Variants in MYO7B observed in about 807,000 individuals in gnomAD.
MYO7B encodes the protein myosin VIIB.
Under a neutral mutation model 259.7 loss-of-function variants are expected in MYO7B, and 212 were observed. The ratio of observed to expected loss-of-function variants is 0.82; its 90% confidence interval spans 0.73 to 0.91. The LOEUF (loss-of-function observed/expected upper bound fraction) is 0.91, where lower values mean the gene tolerates loss of function less well. Among genes scored for constraint, MYO7B ranks in the 40% least tolerant of loss-of-function variants. The pLI is 0.00. For synonymous variants in MYO7B, 1,197 were observed against 1,166.4 expected (o/e 1.03, Z -0.54); for missense variants, 2,732 against 2,813.5 (o/e 0.97, Z 0.66).
In MYO7B at chr2:127,627,264, C is replaced by T; in HGVS notation, c.4414C>T (p.Leu1472=). The T allele has an allele frequency of 6.2e-7, 1 of 1,612,672 alleles. No homozygotes were observed. The highest frequency in any genetic ancestry group is 8.5e-7 in the Non-Finnish European group (1 of 1,179,548). The change falls in exon 33 of 48, where the codon CTG becomes TTG. Residue 1472 remains leucine, a synonymous_variant. Coordinates refer to ENST00000409816, the MANE Select transcript of MYO7B (RefSeq NM_001393586.1). The surrounding 1 kb of genome is among the most constrained non-coding windows in gnomAD (Gnocchi z 5.6). ...LCFLDQQEKM[L]LELSFPEVMG... is the part of the protein sequence containing the mutation. ...CTTCCTGGACCAGCAGGAGAAGATG[C>T]TGCTGGAACTCTCTTTCCCAGAGGT...
In MYO7B at chr2:127,582,492, A is replaced by T. The variant is rs751841197; in HGVS notation, c.1343+46A>T. Reference sequence around the variant, plus strand: ...AGCCCCACTGCTTCCAGAAAACAGAAGATAAGCAGCTCCTCTCGAAGGGGG... The same window carrying T: ...AGCCCCACTGCTTCCAGAAAACAGATGATAAGCAGCTCCTCTCGAAGGGGG... On this transcript the variant is annotated intron_variant, in intron 12 of 47. Transcript: ENST00000409816. The T allele has an allele frequency of 3.1e-6, 5 of 1,601,474 alleles. No individual in the cohort carries two copies. The African/African-American group carries it at 5.4e-5, about 17-fold the overall frequency.
rs376926341 is a variant in MYO7B at position 127,566,766 on chromosome 2, A to G, written c.409A>G (p.Ile137Val). The G allele has an allele frequency of 1.4e-5, 22 of 1,612,768 alleles. No individual in the cohort carries two copies. The highest frequency in any genetic ancestry group is 1.7e-5 in the Non-Finnish European group (20 of 1,179,850). ...MGELPPHVFA[I>V]ANNCYFSMKR... ...CGAGCTGCCCCCGCATGTCTTTGCC[A>G]TCGCCAACAACTGCTACTTCAGCAT... The change falls in exon 5 of 48, where the codon ATC becomes GTC. Residue 137 changes from isoleucine (I) to valine (V), a missense_variant. Physicochemically the swap from Ile to Val is conservative, Grantham distance 29. Around this residue, in one of 3 missense-constraint regions of MYO7B, gnomAD observed 1,906 missense variants for 2,026.4 expected, o/e 0.94. Coordinates refer to ENST00000409816, the MANE Select transcript of MYO7B (RefSeq NM_001393586.1).
At chr2:127,624,964 G>T (rs896038178) in intron 30 of MYO7B, among the ~76,000 whole-genome samples, 1 of 152,228 alleles carries the variant, frequency 6.6e-6, no homozygotes, top group African/African-American at 2.4e-5. Context: ...GCTCCAAGAG[G>T]CTTTGGTCTT....
Position 127,636,451 on chromosome 2 carries a change from T to G in MYO7B, c.6124-94T>G. ...GCCGTGAGGCTGGAGGGCGTGGGTG[T>G]ATGTGTGTATGTGCGTGTGGCCTAG... On this transcript the variant is annotated intron_variant, in intron 45 of 47. Transcript: ENST00000409816. The surrounding 1 kb of genome is among the most constrained non-coding windows in gnomAD (Gnocchi z 4.5). 3 of 1,412,048 alleles carry G rather than the reference T, an allele frequency of 2.1e-6. No individual in the cohort carries two copies. The highest frequency in any genetic ancestry group is 3.0e-6 in the Non-Finnish European group (3 of 1,013,930). 87.5% of individuals were successfully genotyped at this position (1,412,048 alleles called of 1,614,324 possible). A position where few individuals can be genotyped will look rare whatever the true frequency, so the allele number is the denominator to read the frequency against.
At chr2:127,618,018 C>A (rs537532577) in intron 26 of MYO7B, among the ~76,000 whole-genome samples, 1 of 151,996 alleles carries the variant, frequency 6.6e-6, no homozygotes, top group Non-Finnish European at 1.5e-5. Context: ...TGTTAGTTCC[C>A]GCAAGTCCCT....
chr2:127,610,882 A>G (rs913490520), intron 24 of MYO7B, among the ~76,000 whole-genome samples: 12 of 152,240 alleles, frequency 7.9e-5, no homozygotes, highest in Non-Finnish European at 1.8e-4. Context: ...CTCTAGAGGT[A>G]TGGGCTCTGC....
At position 127,559,865 on chromosome 2, in the gene MYO7B, G is replaced by C. The variant is rs1476364524; in HGVS notation, c.18+125G>C. The stretch of plus-strand genomic sequence containing the variant: ...ATAGGAAAATACCAGAGACAGGGGA[G>C]TTTAGGAAACACGACAGATTCTAGC... On this transcript the variant is annotated intron_variant, in intron 2 of 47. Coordinates refer to ENST00000409816, the MANE Select transcript of MYO7B (RefSeq NM_001393586.1). The surrounding 1 kb of genome is among the most constrained non-coding windows in gnomAD (Gnocchi z 4.1). 19 of 1,160,182 alleles carry C rather than the reference G, an allele frequency of 1.6e-5. No individual in the cohort carries two copies. The highest frequency in any genetic ancestry group is 2.5e-5 in the Non-Finnish European group (19 of 773,794). 71.9% of individuals were successfully genotyped at this position (1,160,182 alleles called of 1,614,324 possible).
chr2:127,571,510 C>G (rs1326011419), intron 6 of MYO7B, among the ~76,000 whole-genome samples: 1 of 84,746 alleles, frequency 1.2e-5, no homozygotes, highest in Non-Finnish European at 2.4e-5. Flanking sequence ...GACGGAGTTT[C>G]GCTCTTGTTG....
At chr2:127,581,655 G>A (rs1419293470) in intron 10 of MYO7B, among the ~76,000 whole-genome samples, 2 of 152,092 alleles carry the variant, frequency 1.3e-5, no homozygotes, top group African/African-American at 2.4e-5. Context: ...GGCCAGGCTG[G>A]GGGAGCCAGC....
chr2:127,556,203 A>G (rs1693628875), intron 1 of MYO7B, among the ~76,000 whole-genome samples: 1 of 152,198 alleles, frequency 6.6e-6, no homozygotes, highest in Non-Finnish European at 1.5e-5. Flanking sequence ...TTTGTCTGAT[A>G]TAAGAATAAC....
At chr2:127,623,062 C>T in intron 28 of MYO7B, 140 bp from the exon 29 acceptor site, 3 of 996,368 alleles carry the variant, frequency 3.0e-6, no homozygotes, top group South Asian at 3.4e-5. Context: ...CCTGGGGCTT[C>T]AGAGGGCCCA....
At chr2:127,620,240 G>C in intron 26 of MYO7B, 100 bp from the exon 27 acceptor site, 1 of 1,409,722 alleles carries the variant, frequency 7.1e-7, no homozygotes, top group Non-Finnish European at 9.6e-7. Context: ...CCTGCATATG[G>C]GACCTCTCAG....
At chr2:127,620,679 C>T (rs1277361690) in intron 27 of MYO7B, among the ~76,000 whole-genome samples, 5 of 152,208 alleles carry the variant, frequency 3.3e-5, no homozygotes, top group East Asian at 1.9e-4. Context: ...CCAGCCCCTA[C>T]GCAGGGTCTG....
intron 1 of MYO7B, among the ~76,000 whole-genome samples, chr2:127,547,673 G>T (rs1183752067): frequency 6.6e-6 from 1 of 152,146 alleles, no homozygotes; most frequent in Non-Finnish European, 1.5e-5. Flanking sequence ...GAGGATGATT[G>T]TTCTGAGAGT....
rs1681451055 is a variant in MYO7B at position 127,630,885 on chromosome 2, G to A, written c.4914G>A (p.Glu1638=). Residue 1638 remains glutamate, a synonymous_variant, in exon 36 of 48, where the codon GAG becomes GAA. Transcript: ENST00000409816. ...EPPKEKLHTL[E]EFSYEFFRAP... Reference sequence around the variant, plus strand: ...CCAAGGAAAAGCTGCACACCCTGGAGGAGTTCTCCTATGAGTTCTTCAGGT... The same window carrying A: ...CCAAGGAAAAGCTGCACACCCTGGAAGAGTTCTCCTATGAGTTCTTCAGGT... 3.8e-6 allele frequency: 6 copies of A among 1,597,240 alleles called. No individual in the cohort carries two copies. In the African/African-American group the frequency reaches 5.4e-5, roughly 14 times the overall value.
Position 127,620,339 on chromosome 2 carries a change from G to A in MYO7B, c.3399-1G>A, listed in dbSNP as rs759336263. 1 of 1,611,276 alleles carries A rather than the reference G, an allele frequency of 6.2e-7. No homozygotes were observed. The highest frequency in any genetic ancestry group is 1.7e-4 in the Middle Eastern group (1 of 6,044). On this transcript the variant is annotated splice_acceptor_variant, in intron 26 of 47. Coordinates refer to ENST00000409816, the MANE Select transcript of MYO7B (RefSeq NM_001393586.1). LOFTEE classifies it high-confidence loss of function. ...CTCTCCTAATGGTCTGTGTCTTTCA[G>A]GGATGAGATTTACTGCCAGATCTGC...
chr2:127,627,017 G>C lies in MYO7B; in HGVS notation c.4258G>C (p.Glu1420Gln). The C allele has an allele frequency of 6.2e-7, 1 of 1,611,460 alleles. No homozygotes were observed. The highest frequency in any genetic ancestry group is 8.5e-7 in the Non-Finnish European group (1 of 1,179,300). Residue 1420 changes from glutamate to glutamine, a missense_variant, in exon 32 of 48, where the codon GAG becomes CAG. Around this residue, in one of 3 missense-constraint regions of MYO7B, gnomAD observed 1,906 missense variants for 2,026.4 expected, o/e 0.94. Coordinates refer to ENST00000409816, the MANE Select transcript of MYO7B (RefSeq NM_001393586.1). The surrounding 1 kb of genome is among the most constrained non-coding windows in gnomAD (Gnocchi z 5.6). ...GCAAGTCACACCACTGGCCGTGCGA[G>C]AGCAGGTGGTGGACGCCGCCCGCCT... ...QKQVTPLAVREQVVDAARLQW... is the reference protein window; with the variant it reads ...QKQVTPLAVRQQVVDAARLQW...
At chr2:127,538,393 T>C (rs915263774) in intron 1 of MYO7B, among the ~76,000 whole-genome samples, 2 of 152,166 alleles carry the variant, frequency 1.3e-5, no homozygotes, top group African/African-American at 4.8e-5. Flanking sequence ...CTAGTGCAAC[T>C]GAGGGTCTGA....
intron 1 of MYO7B, among the ~76,000 whole-genome samples, chr2:127,551,123 G>C (rs562478334): frequency 5.3e-5 from 8 of 152,244 alleles, no homozygotes; most frequent in Non-Finnish European, 4.4e-5. Context: ...ATTCTCCACT[G>C]TTCTGGAGGC....
Sources: allele counts gnomAD v4.1 joint callset (sites outside exome capture counted in the v4.1 genomes callset), GRCh38; gene constraint gnomAD v4.1.1; regional missense constraint gnomAD v4.1.1; non-coding constraint Gnocchi (gnomAD v3.1); transcripts MANE v1.5; gene names NCBI Gene and HGNC (gene_info 2026-07-23, HGNC 2026-07-21).